UTRN: variants seen among roughly 807,000 people sequenced by gnomAD.
UTRN encodes utrophin, also known as dystrophin-related protein 1.
In UTRN, 283 loss-of-function variants were observed where a neutral mutation model predicts 463.9. The observed-to-expected ratio is 0.61, with a 90% CI of 0.55 to 0.67. The LOEUF is 0.67. UTRN is among the 30% of genes least tolerant of loss of function. UTRN has a pLI of 0.00. For synonymous variants in UTRN, 1,442 were observed against 1,431.5 expected (o/e 1.01, Z -0.17); for missense variants, 3,922 against 4,084.3 (o/e 0.96, Z 1.08).
chr6:144,468,499 T>C, intron 23 of UTRN, among the ~76,000 whole-genome samples: 1 of 152,216 alleles, frequency 6.6e-6, no homozygotes, highest in African/African-American at 2.4e-5. Context: ...GTTTATTTTT[T>C]TTTGCATGTG....
chr6:144,355,730 C>T (rs145695224), intron 2 of UTRN, among the ~76,000 whole-genome samples: 1 of 151,988 alleles, frequency 6.6e-6, no homozygotes, highest in Admixed American at 6.6e-5. Flanking sequence ...CCACTGTTAC[C>T]CAGTTTTCCC....
intron 7 of UTRN, among the ~76,000 whole-genome samples, chr6:144,426,832 A>G (rs1785337902): frequency 6.6e-6 from 1 of 152,208 alleles, no homozygotes; most frequent in African/African-American, 2.4e-5. Flanking sequence ...ATGCATTCCC[A>G]ATTAAAAATA....
chr6:144,471,762 T>C (rs1584924841), intron 23 of UTRN, among the ~76,000 whole-genome samples: 2 of 152,114 alleles, frequency 1.3e-5, no homozygotes, highest in African/African-American at 4.8e-5. Flanking sequence ...TTGGGGAAAG[T>C]GTGCAATGGA....
rs529329208 is a variant in UTRN at position 144,486,521 on chromosome 6, C to T, written c.3822+1002C>T. Reference sequence around the variant, plus strand: ...CAAAGGCTTTGGAGTCTTTTATTTACTTATTTATCTTTTTATTTGAGATGG... The same window carrying T: ...CAAAGGCTTTGGAGTCTTTTATTTATTTATTTATCTTTTTATTTGAGATGG... On this transcript the variant is annotated intron_variant, in intron 28 of 74. Coordinates refer to ENST00000367545, the MANE Select transcript of UTRN (RefSeq NM_007124.3). Among the ~76,000 whole-genome samples the T allele has an allele frequency of 1.2e-3, 187 of 151,838 alleles. 3 individuals carry two copies. Among genetic ancestry groups the T allele is most frequent in the Middle Eastern group, 3.4e-3 (1 of 294 alleles).
chr6:144,813,179 T>G (rs187339042), intron 65 of UTRN, among the ~76,000 whole-genome samples: 1 of 151,402 alleles, frequency 6.6e-6, no homozygotes, highest in African/African-American at 2.4e-5. Context: ...TTATTTTTAT[T>G]TTTATTTATT....
intron 2 of UTRN, among the ~76,000 whole-genome samples, chr6:144,292,676 ACTTCTCAGC>A (rs770003553): frequency 1.8e-4 from 28 of 152,206 alleles, no homozygotes; most frequent in Non-Finnish European, 3.8e-4. Flanking sequence ...CAGGCAGAAC[ACTTCTCAGC>A]CTTGAAAATT....
At chr6:144,389,289 G>A (rs1417578670) in intron 2 of UTRN, among the ~76,000 whole-genome samples, 1 of 152,190 alleles carries the variant, frequency 6.6e-6, no homozygotes, top group African/African-American at 2.4e-5. Flanking sequence ...GAGCAGAGGG[G>A]TGACTGAATA....
chr6:144,447,871 C>A, intron 16 of UTRN, 90 bp downstream of exon 16: 2 of 1,370,048 alleles, frequency 1.5e-6, no homozygotes, highest in Non-Finnish European at 9.7e-7. Context: ...ATGAAATAAA[C>A]TAAAAAGTTG....
At chr6:144,527,630 T>G (rs1585130512) in intron 41 of UTRN, among the ~76,000 whole-genome samples, 1 of 152,362 alleles carries the variant, frequency 6.6e-6, no homozygotes, top group South Asian at 2.1e-4. Context: ...GGAACACAAA[T>G]TATTCTTTGG....
rs1562398551 is a variant in UTRN at position 144,437,692 on chromosome 6, T to C, written c.1187T>C (p.Leu396Pro). ...EEFEIQEQMT[L>P]LNARWEALRV... ...TTTGAGATTCAGGAACAGATGACCC[T>C]GCTGAATGCTAGATGGGAGGCTCTT... The change falls in exon 11 of 75, where the codon CTG (leucine) becomes CCG (proline). Residue 396 changes from leucine to proline, a missense_variant. This residue lies in a region of UTRN where 2,349 missense variants were observed against 2,303.8 expected (regional missense o/e 1.02). Coordinates refer to ENST00000367545, the MANE Select transcript of UTRN (RefSeq NM_007124.3). 6.2e-7 allele frequency: 1 copy of C among 1,614,174 alleles called. No individual in the cohort carries two copies. The highest frequency in any genetic ancestry group is 1.7e-5 in the Admixed American group (1 of 60,022).
intron 69 of UTRN, among the ~76,000 whole-genome samples, chr6:144,833,703 A>G (rs1430079451): frequency 2.0e-5 from 3 of 152,096 alleles, no homozygotes; most frequent in Non-Finnish European, 2.9e-5. Flanking sequence ...CTCTCTTCAC[A>G]TGAACTTGGT....
chr6:144,783,867 A>C (rs1776073564), intron 61 of UTRN, among the ~76,000 whole-genome samples: 1 of 152,204 alleles, frequency 6.6e-6, no homozygotes, highest in South Asian at 2.1e-4. Context: ...CTCAGTTACC[A>C]TAATGAATAC....
intron 53 of UTRN, among the ~76,000 whole-genome samples, chr6:144,729,485 G>A (rs765824863): frequency 2.0e-5 from 3 of 152,040 alleles, no homozygotes; most frequent in Non-Finnish European, 2.9e-5. Context: ...TTTCATAATA[G>A]GTTGCCAGGG....
intron 53 of UTRN, among the ~76,000 whole-genome samples, chr6:144,703,043 A>C (rs909032801): frequency 2.6e-5 from 4 of 152,218 alleles, no homozygotes; most frequent in Non-Finnish European, 5.9e-5. Flanking sequence ...GCACTATTTC[A>C]GTAACCCAAG....
At position 144,760,551 on chromosome 6, in the gene UTRN, A is replaced by T. The variant is rs545400842; in HGVS notation, c.8495+2562A>T. Among the ~76,000 whole-genome samples the T allele has an allele frequency of 2.6e-5, 4 of 152,236 alleles. 1 individual carries two copies. The South Asian group carries it at 8.3e-4, about 32-fold the overall frequency. ...CCAGGATCTTTCATTGTGTAATTTAACAGTTTATTTCCTCATGAAGAAGGA... is the reference window on the plus strand; with the variant it reads ...CCAGGATCTTTCATTGTGTAATTTATCAGTTTATTTCCTCATGAAGAAGGA... On this transcript the variant is annotated intron_variant, in intron 58 of 74. Transcript: ENST00000367545.
At chr6:144,642,855 G>A (rs1777906287) in intron 51 of UTRN, among the ~76,000 whole-genome samples, 1 of 152,040 alleles carries the variant, frequency 6.6e-6, no homozygotes, top group Non-Finnish European at 1.5e-5. Flanking sequence ...TATTGGATGT[G>A]CTTCTCAAAT....
At chr6:144,398,508 T>A (rs1320711983) in intron 2 of UTRN, 1 of 311,894 alleles carries the variant, frequency 3.2e-6, no homozygotes, top group Non-Finnish European at 6.3e-6. Flanking sequence ...TGATATTACT[T>A]CAATTGTTCA....
intron 66 of UTRN, among the ~76,000 whole-genome samples, chr6:144,823,401 A>T (rs1441258812): frequency 3.3e-5 from 5 of 152,170 alleles, no homozygotes; most frequent in African/African-American, 1.2e-4. Context: ...TGGGTAATAA[A>T]AAAGTTTGAT....
chr6:144,402,363 A>G (rs1050488617), intron 2 of UTRN, among the ~76,000 whole-genome samples: 14 of 152,208 alleles, frequency 9.2e-5, no homozygotes, highest in Non-Finnish European at 1.3e-4. Context: ...ATTTGGTTCT[A>G]AAGAGAAAGT....
Sources: allele counts gnomAD v4.1 joint callset (sites outside exome capture counted in the v4.1 genomes callset), GRCh38; gene constraint gnomAD v4.1.1; regional missense constraint gnomAD v4.1.1; transcripts MANE v1.5; gene names NCBI Gene and HGNC (gene_info 2026-07-23, HGNC 2026-07-21).